Variants in NUCKS1 observed in about 807,000 individuals in gnomAD.
NUCKS1 encodes nuclear ubiquitous casein and cyclin-dependent kinase substrate 1.
A neutral mutation model predicts 33.0 loss-of-function variants in NUCKS1; 2 were observed. That is an observed-to-expected ratio of 0.06 (90% CI 0.02 to 0.19). The LOEUF (loss-of-function observed/expected upper bound fraction) is 0.19. Ranked by LOEUF, NUCKS1 falls within the 10% of genes least tolerant of loss-of-function variation. The probability of loss-of-function intolerance (pLI) is 1.00; values close to 1 mark genes in which losing one functional copy is unlikely to be tolerated. For missense variants in NUCKS1, 201 were observed against 293.6 expected (o/e 0.68, Z 2.31); for synonymous variants, 106 against 102.8 (o/e 1.03, Z -0.19).
intron 1 of NUCKS1, among the ~76,000 whole-genome samples, chr1:205,744,631 T>TTTTTTA (rs1491282426): frequency 2.7e-4 from 1 of 3,728 alleles, no homozygotes; most frequent in Non-Finnish European, 7.2e-4. Flanking sequence ...TTCACTAGAG[T>TTTTTTA]TTTTTTTTTT....
chr1:205,725,192 T>A (rs996570853), intron 3 of NUCKS1, among the ~76,000 whole-genome samples: 14 of 152,192 alleles, frequency 9.2e-5, no homozygotes, highest in Non-Finnish European at 1.5e-4. Flanking sequence ...CCTAGTAGTC[T>A]GTTTGTCATT....
chr1:205,736,691 C>T (rs1345981803), intron 1 of NUCKS1, among the ~76,000 whole-genome samples: 2 of 151,920 alleles, frequency 1.3e-5, no homozygotes, highest in Admixed American at 1.3e-4. Flanking sequence ...ATTAGCCCGG[C>T]GTGGTTGTAG....
chr1:205,746,447 T>A (rs146019018), intron 1 of NUCKS1, among the ~76,000 whole-genome samples: 39,918 of 87,704 alleles, frequency 0.46, 5,949 homozygotes, highest in Non-Finnish European at 0.54. Context: ...TCTCTCTCTC[T>A]CTCTCTCACA....
Position 205,749,963 on chromosome 1 carries a change from G to A in NUCKS1, c.11C>T (p.Pro4Leu). The change falls in exon 1 of 7, where the codon CCT (proline) becomes CTT (leucine). Residue 4 changes from proline (P) to leucine (L), a missense_variant. Transcript: ENST00000367142. ...CCTCAGACTCCGCACTGACCTGACA[G>A]GCCGCGACATGTTCGCTGTCGAAAC... The part of the protein sequence containing the change: MSR[P>L]VRNRKVVDYS... 6.2e-7 allele frequency: 1 copy of A among 1,609,362 alleles called. No homozygotes were observed. The highest frequency in any genetic ancestry group is 8.5e-7 in the Non-Finnish European group (1 of 1,177,912).
rs1369568574 is a variant in NUCKS1 at position 205,715,812 on chromosome 1, G to GC, written c.*2467dup. 3.3e-5 allele frequency: 5 copies of GC among 152,202 alleles called. No individual in the cohort carries two copies. The highest frequency in any genetic ancestry group is 1.2e-4 in the African/African-American group (5 of 41,452). 9.4% of individuals were successfully genotyped at this position (152,202 alleles called of 1,614,324 possible). A position where few individuals can be genotyped will look rare whatever the true frequency, so the allele number is the denominator to read the frequency against. ...AAGAGGAAGGTTAGTCAAGGATGGT[G>GC]CCAATGGCCAGTCAGTATCGGCTTA... On this transcript the variant is annotated 3_prime_UTR_variant, in exon 7 of 7. Transcript: ENST00000367142.
chr1:205,725,314 C>T lies in NUCKS1; in HGVS notation c.174-1333G>A, dbSNP rs560000629. Among the ~76,000 whole-genome samples the T allele has an allele frequency of 6.6e-5, 10 of 152,322 alleles. No individual in the cohort carries two copies. The South Asian group carries it at 1.5e-3, about 22-fold the overall frequency. On this transcript the variant is annotated intron_variant, in intron 3 of 6. Transcript: ENST00000367142. ...ACCAAAAACTCGCACATAAAAACTG[C>T]CTTCAAAGCTTTCCTTTCTCAAATA...
intron 1 of NUCKS1, among the ~76,000 whole-genome samples, chr1:205,742,854 CAAAT>C (rs1239959162): frequency 6.6e-6 from 1 of 151,960 alleles, no homozygotes; most frequent in Non-Finnish European, 1.5e-5. Flanking sequence ...AATAAACAAA[CAAAT>C]AAATAAAAGG....
At chr1:205,741,557 A>G (rs1238911679) in intron 1 of NUCKS1, among the ~76,000 whole-genome samples, 1 of 152,188 alleles carries the variant, frequency 6.6e-6, no homozygotes, top group Admixed American at 6.5e-5. Context: ...GTGTAACTCA[A>G]TCGCTAGGGA....
chr1:205,748,952 T>C lies in NUCKS1; in HGVS notation c.17+1005A>G, dbSNP rs113280762. On this transcript the variant is annotated intron_variant, in intron 1 of 6. Transcript: ENST00000367142. ...ACCACACCCCTCCATAAATGGCACATTCCATACAATAGCCTGGAGAATGGC... is the reference window on the plus strand; with the variant it reads ...ACCACACCCCTCCATAAATGGCACACTCCATACAATAGCCTGGAGAATGGC... Among the ~76,000 whole-genome samples, 277 of 152,296 alleles carry C rather than the reference T, an allele frequency of 1.8e-3. 3 individuals carry two copies. The highest frequency in any genetic ancestry group is 2.0e-3 in the Non-Finnish European group (134 of 68,018).
intron 1 of NUCKS1, among the ~76,000 whole-genome samples, chr1:205,740,497 C>G (rs2102445583): frequency 6.6e-6 from 1 of 152,064 alleles, no homozygotes; most frequent in African/African-American, 2.4e-5. Context: ...CGCCTGTAGT[C>G]TCAGATACTT....
At chr1:205,733,576 T>C (rs1653966590) in intron 1 of NUCKS1, among the ~76,000 whole-genome samples, 1 of 151,946 alleles carries the variant, frequency 6.6e-6, no homozygotes, top group African/African-American at 2.4e-5. Context: ...CTAAATTGCT[T>C]GACAGATCTA....
At chr1:205,748,178 C>T (rs972308965) in intron 1 of NUCKS1, among the ~76,000 whole-genome samples, 2 of 152,116 alleles carry the variant, frequency 1.3e-5, no homozygotes, top group African/African-American at 4.8e-5. Context: ...CATAAAAAAT[C>T]CAAGTTTTCC....
At position 205,717,460 on chromosome 1, in the gene NUCKS1, A is replaced by T; in HGVS notation, c.*820T>A. On this transcript the variant is annotated 3_prime_UTR_variant, in exon 7 of 7. Coordinates refer to ENST00000367142, the MANE Select transcript of NUCKS1 (RefSeq NM_022731.5). ...AAACAGGATACATATATATTTAGAG[A>T]AGGAAATATGAAATCAAGAGTTTTG... The T allele has an allele frequency of 1.0e-6, 1 of 983,694 alleles. No individual in the cohort carries two copies. The highest frequency in any genetic ancestry group is 1.2e-6 in the Non-Finnish European group (1 of 828,612). The allele number at this position is 983,694 out of a possible 1,614,324, so 60.9% of individuals were successfully genotyped here.
At chr1:205,731,895 CA>C (rs34020544) in intron 1 of NUCKS1, among the ~76,000 whole-genome samples, 20,817 of 111,714 alleles carry the variant, frequency 0.19, 1,966 homozygotes, top group East Asian at 0.56. Flanking sequence ...GACTCCGTCT[CA>C]AAAAAAAAAA....
rs1671777950 is a variant in NUCKS1 at position 205,713,562 on chromosome 1, G to C, written c.*4718C>G. The C allele has an allele frequency of 6.6e-6, 1 of 152,166 alleles. No individual in the cohort carries two copies. Among genetic ancestry groups the C allele is most frequent in the Admixed American group, 6.5e-5 (1 of 15,270 alleles). 9.4% of individuals were successfully genotyped at this position (152,166 alleles called of 1,614,324 possible). ...TCACACGATTCTACCAATGCATGTT[G>C]CATCTGTAATTCACGAACATGGTCA... On this transcript the variant is annotated 3_prime_UTR_variant, in exon 7 of 7. Coordinates refer to ENST00000367142, the MANE Select transcript of NUCKS1 (RefSeq NM_022731.5).
intron 1 of NUCKS1, among the ~76,000 whole-genome samples, chr1:205,730,057 TTTAA>T (rs1480197316): frequency 2.6e-5 from 4 of 151,842 alleles, no homozygotes; most frequent in African/African-American, 7.2e-5. Flanking sequence ...AAGAAAATTA[TTTAA>T]TTAATTTTTT....
At chr1:205,720,166 A>G (rs1037418544) in intron 5 of NUCKS1, among the ~76,000 whole-genome samples, 5 of 152,346 alleles carry the variant, frequency 3.3e-5, no homozygotes, top group Admixed American at 6.5e-5. Context: ...TTCTGTGAAA[A>G]GAGGTCTACA....
chr1:205,745,801 AT>A (rs1344095928), intron 1 of NUCKS1, among the ~76,000 whole-genome samples: 1 of 152,222 alleles, frequency 6.6e-6, no homozygotes, highest in African/African-American at 2.4e-5. Flanking sequence ...TTACATGGTG[AT>A]AAAGAAAAAT....
rs573021139 is a variant in NUCKS1, at chr1:205,738,437, C to T, written c.18-8816G>A. On this transcript the variant is annotated intron_variant, in intron 1 of 6. Coordinates refer to ENST00000367142, the MANE Select transcript of NUCKS1 (RefSeq NM_022731.5). ...TAGAGGTGGACACTACCATGCCCAG[C>T]TAATTTTTTTTTTTTTTTTTGTAGA... Among the ~76,000 whole-genome samples the T allele has an allele frequency of 8.3e-4, 116 of 139,456 alleles. 1 individual carries two copies. Among genetic ancestry groups the T allele is most frequent in the African/African-American group, 2.7e-3 (107 of 39,768 alleles). 91.5% of individuals were successfully genotyped at this position (139,456 alleles called of 152,430 possible). A position where few individuals can be genotyped will look rare whatever the true frequency, so the allele number is the denominator to read the frequency against.
Sources: allele counts gnomAD v4.1 joint callset (sites outside exome capture counted in the v4.1 genomes callset), GRCh38; gene constraint gnomAD v4.1.1; transcripts MANE v1.5; gene names NCBI Gene and HGNC (gene_info 2026-07-23, HGNC 2026-07-21).